Variants in VWA3B observed in about 807,000 individuals in gnomAD.
VWA3B encodes the protein von Willebrand factor A domain containing 3B.
In VWA3B, 138 loss-of-function variants were observed where a neutral mutation model predicts 158.3. The observed-to-expected ratio is 0.87, with a 90% CI of 0.76 to 1.00. The LOEUF is 1.00. Ranked by LOEUF, VWA3B falls within the 50% of genes least tolerant of loss-of-function variation. The probability of loss-of-function intolerance (pLI) is 0.00; values close to 1 mark genes in which losing one functional copy is unlikely to be tolerated. For synonymous variants in VWA3B, 596 were observed against 587.3 expected (o/e 1.01, Z -0.21); for missense variants, 1,555 against 1,565.1 (o/e 0.99, Z 0.11).
At chr2:98,307,583 A>G (rs531731554) in intron 26 of VWA3B, among the ~76,000 whole-genome samples, 54 of 152,374 alleles carry the variant, frequency 3.5e-4, no homozygotes, top group African/African-American at 1.3e-3. Flanking sequence ...TGATTTCTTT[A>G]TTACGGTTAG....
At position 98,212,590 on chromosome 2, in the gene VWA3B, G is replaced by A. The variant is rs534613384; in HGVS notation, c.1836+562G>A. On this transcript the variant is annotated intron_variant, in intron 13 of 27. Transcript: ENST00000477737. ...TACTCCAGGCATTAAATAAATAGAA[G>A]GATTTTCAGGCCAGCGTAATGTAAA... 2.1e-3 allele frequency among the ~76,000 whole-genome samples: 319 copies of A among 152,264 alleles called. 3 individuals carry two copies. The highest frequency in any genetic ancestry group is 0.021 in the South Asian group (100 of 4,820).
intron 14 of VWA3B, among the ~76,000 whole-genome samples, chr2:98,226,532 TC>T (rs1157834147): frequency 6.6e-6 from 1 of 151,178 alleles, no homozygotes; most frequent in Non-Finnish European, 1.5e-5. Flanking sequence ...TAGTCTTGAT[TC>T]CAAAAGCATT....
intron 8 of VWA3B, among the ~76,000 whole-genome samples, chr2:98,177,442 G>A (rs942271927): frequency 4.1e-4 from 62 of 152,276 alleles, no homozygotes; most frequent in African/African-American, 1.4e-3. Context: ...GCAGGGAAAA[G>A]GAAAGGACCC....
intron 2 of VWA3B, among the ~76,000 whole-genome samples, chr2:98,110,612 G>A (rs946146784): frequency 2.6e-5 from 4 of 152,164 alleles, no homozygotes; most frequent in African/African-American, 7.2e-5. Flanking sequence ...TTGGATTTAG[G>A]TGTACAAGTG....
rs572094734 is a variant in VWA3B at position 98,136,956 on chromosome 2, A to G, written c.988+3017A>G. The stretch of plus-strand genomic sequence containing the variant: ...ACTTAGCGTAATGTCCTCAAGCTTC[A>G]TCTATGTTGTAATATGTCAGAATTT... On this transcript the variant is annotated intron_variant, in intron 7 of 27. Transcript: ENST00000477737. Among the ~76,000 whole-genome samples the G allele has an allele frequency of 1.2e-4, 18 of 152,286 alleles. No homozygotes were observed. The East Asian group carries it at 3.3e-3, about 28-fold the overall frequency.
Position 98,203,188 on chromosome 2 carries a change from G to T in VWA3B, c.1737+8696G>T, listed in dbSNP as rs78262620. Among the ~76,000 whole-genome samples, 9 of 152,226 alleles carry T rather than the reference G, an allele frequency of 5.9e-5. No individual in the cohort carries two copies. The East Asian group carries it at 1.7e-3, about 29-fold the overall frequency. ...TTCTTGTGACACCATTTATTGAAAA[G>T]GCTATTCCTCCTCTATTGAATTGTT... On this transcript the variant is annotated intron_variant, in intron 12 of 27. Transcript: ENST00000477737.
chr2:98,109,374 A>G (rs1475993668), intron 2 of VWA3B, among the ~76,000 whole-genome samples: 2 of 152,084 alleles, frequency 1.3e-5, no homozygotes, highest in African/African-American at 4.8e-5. Flanking sequence ...ACATTATCAA[A>G]ATCTACTGAT....
intron 12 of VWA3B, chr2:98,206,638 T>G: frequency 5.3e-6 from 2 of 379,354 alleles, no homozygotes; most frequent in Non-Finnish European, 1.0e-5. Context: ...AACAGTTTGC[T>G]CCCATTTATG....
At chr2:98,171,748 A>T (rs1004336375) in intron 8 of VWA3B, among the ~76,000 whole-genome samples, 2 of 152,278 alleles carry the variant, frequency 1.3e-5, no homozygotes, top group African/African-American at 4.8e-5. Context: ...AAACAGGATG[A>T]GGGAAGAGAA....
rs548912800 is a variant in VWA3B at position 98,237,627 on chromosome 2, A to C, written c.2673+897A>C. Among the ~76,000 whole-genome samples the C allele has an allele frequency of 1.7e-4, 26 of 152,346 alleles. 1 individual carries two copies. Among genetic ancestry groups the C allele is most frequent in the Admixed American group, 9.8e-4 (15 of 15,300 alleles). On this transcript the variant is annotated intron_variant, in intron 19 of 27. Coordinates refer to ENST00000477737, the MANE Select transcript of VWA3B (RefSeq NM_144992.5). ...TGCTCATCTTTACAAGAATAATTCC[A>C]GTGGAACGGCATTACTGCAGTGGGA...
intron 12 of VWA3B, among the ~76,000 whole-genome samples, chr2:98,200,950 G>A (rs1268111236): frequency 6.6e-6 from 1 of 152,196 alleles, no homozygotes; most frequent in African/African-American, 2.4e-5. Flanking sequence ...CTATATCCGT[G>A]TGGGTCTATT....
intron 1 of VWA3B, 145 bp downstream of exon 1, chr2:98,087,508 G>C (rs1020431351): frequency 2.6e-5 from 4 of 152,262 alleles, no homozygotes; most frequent in African/African-American, 9.7e-5. Context: ...TACCAGGAAA[G>C]CTCGGTGACT....
rs72948980 is a variant in VWA3B, at chr2:98,217,056, C to T, written c.1837-790C>T. 5,245 of 1,115,202 alleles carry T rather than the reference C, an allele frequency of 4.7e-3. 198 individuals carry two copies. The African/African-American group carries it at 0.079, about 17-fold the overall frequency. 69.1% of individuals were successfully genotyped at this position (1,115,202 alleles called of 1,614,324 possible). A position where few individuals can be genotyped will look rare whatever the true frequency, so the allele number is the denominator to read the frequency against. On this transcript the variant is annotated intron_variant, in intron 13 of 27. Transcript: ENST00000477737. Reference sequence around the variant, plus strand: ...GATGTTCAAGTGCCCCAGGATGGTGCTGGGGAGCTGGGCAGAGGGTGGGGG... The same window carrying T: ...GATGTTCAAGTGCCCCAGGATGGTGTTGGGGAGCTGGGCAGAGGGTGGGGG...
At chr2:98,266,958 G>A (rs1273455495) in intron 21 of VWA3B, among the ~76,000 whole-genome samples, 4 of 149,410 alleles carry the variant, frequency 2.7e-5, no homozygotes, top group African/African-American at 9.8e-5. Flanking sequence ...TGAGACAATG[G>A]GGTTTTCTAG....
chr2:98,251,999 G>A (rs1034992931), intron 20 of VWA3B, among the ~76,000 whole-genome samples: 6 of 152,106 alleles, frequency 3.9e-5, no homozygotes, highest in African/African-American at 9.7e-5. Context: ...CCCGTGGGTC[G>A]GAGACTTCCA....
rs199955722 is a variant in VWA3B at position 98,253,252 on chromosome 2, GT to G, written c.2792+2820del. On this transcript the variant is annotated intron_variant, in intron 20 of 27. Transcript: ENST00000477737. Reference sequence around the variant, plus strand: ...ATCCCCTATATAACATTTCTAAGGAGTTTTCCAACAAAGATAAGCGAGATGT... The same window carrying G: ...ATCCCCTATATAACATTTCTAAGGAGTTTCCAACAAAGATAAGCGAGATGT... 9.9e-3 allele frequency among the ~76,000 whole-genome samples: 1,504 copies of G among 152,212 alleles called. 8 individuals carry two copies. Among genetic ancestry groups the G allele is most frequent in the South Asian group, 0.022 (106 of 4,822 alleles).
intron 26 of VWA3B, among the ~76,000 whole-genome samples, chr2:98,310,561 G>T (rs1690822677): frequency 2.0e-5 from 3 of 152,164 alleles, no homozygotes; most frequent in Admixed American, 2.0e-4. Flanking sequence ...CCCTGAAAAA[G>T]AAACAGAATG....
chr2:98,294,203 C>CAAAAA (rs751689571), intron 23 of VWA3B, among the ~76,000 whole-genome samples: 41 of 56,276 alleles, frequency 7.3e-4, no homozygotes, highest in Middle Eastern at 0.015. Flanking sequence ...CACACACACA[C>CAAAAA]AAAAAAAAAA....
intron 15 of VWA3B, among the ~76,000 whole-genome samples, chr2:98,229,707 G>A (rs1685194663): frequency 6.6e-6 from 1 of 152,160 alleles, no homozygotes; most frequent in African/African-American, 2.4e-5. Flanking sequence ...TCAGCCCCAT[G>A]TAGTCACTAT....
Sources: allele counts gnomAD v4.1 joint callset (sites outside exome capture counted in the v4.1 genomes callset), GRCh38; gene constraint gnomAD v4.1.1; transcripts MANE v1.5; gene names NCBI Gene and HGNC (gene_info 2026-07-23, HGNC 2026-07-21).